XKR6: variants seen among roughly 807,000 people sequenced by gnomAD.
XKR6 encodes XK-related protein 6.
Under a neutral mutation model 56.7 loss-of-function variants are expected in XKR6, and 22 were observed. The observed-to-expected ratio is 0.39, with a 90% CI of 0.28 to 0.55. The LOEUF (loss-of-function observed/expected upper bound fraction) is 0.55. Among genes scored for constraint, XKR6 ranks in the 20% least tolerant of loss-of-function variants. The pLI is 0.66. For missense variants in XKR6, 852 were observed against 889.0 expected, an observed-to-expected ratio of 0.96 and a Z score of 0.53; for synonymous variants, 524 against 387.8, an observed-to-expected ratio of 1.35 and a Z score of -4.13.
intron 1 of XKR6, among the ~76,000 whole-genome samples, chr8:11,107,160 G>C (rs1425394702): frequency 1.3e-5 from 2 of 151,418 alleles, no homozygotes; most frequent in African/African-American, 4.8e-5. Flanking sequence ...TGATTACTTG[G>C]CAAAGAAAAG....
At chr8:11,012,091 C>G (rs1158748558) in intron 1 of XKR6, among the ~76,000 whole-genome samples, 1 of 152,218 alleles carries the variant, frequency 6.6e-6, no homozygotes, top group African/African-American at 2.4e-5. Context: ...CAGGGCCTCG[C>G]AGTCCCCATC....
At chr8:11,117,589 T>C (rs1225412067) in intron 1 of XKR6, among the ~76,000 whole-genome samples, 2 of 152,014 alleles carry the variant, frequency 1.3e-5, no homozygotes, top group African/African-American at 4.8e-5. Flanking sequence ...TGTGAAACCA[T>C]AAAAATGTGA....
chr8:11,030,771 G>A (rs749026803), intron 1 of XKR6, among the ~76,000 whole-genome samples: 1 of 152,130 alleles, frequency 6.6e-6, no homozygotes, highest in Non-Finnish European at 1.5e-5. Context: ...TAGGCGTGGA[G>A]GGTGGGAATG....
intron 1 of XKR6, among the ~76,000 whole-genome samples, chr8:11,038,729 C>T (rs991174770): frequency 6.6e-6 from 1 of 151,858 alleles, no homozygotes; most frequent in East Asian, 1.9e-4. Context: ...TTTGTAGAGC[C>T]GATGCCTCCC....
At chr8:11,134,580 A>C (rs1201079315) in intron 1 of XKR6, among the ~76,000 whole-genome samples, 1 of 152,144 alleles carries the variant, frequency 6.6e-6, no homozygotes, top group East Asian at 1.9e-4. Context: ...GAAACACAGA[A>C]GACTTACATT....
intron 1 of XKR6, among the ~76,000 whole-genome samples, chr8:11,187,598 T>C (rs1280050218): frequency 6.6e-6 from 1 of 151,986 alleles, no homozygotes; most frequent in African/African-American, 2.4e-5. Flanking sequence ...TCACAAATAA[T>C]GAGAAAGACT....
chr8:11,158,514 T>A (rs1344109444), intron 1 of XKR6, among the ~76,000 whole-genome samples: 1 of 152,222 alleles, frequency 6.6e-6, no homozygotes, highest in Non-Finnish European at 1.5e-5. Flanking sequence ...CTTGAGTTTC[T>A]TTAGCTTTCC....
intron 1 of XKR6, among the ~76,000 whole-genome samples, chr8:11,165,576 T>A (rs1296754299): frequency 6.6e-6 from 1 of 152,164 alleles, no homozygotes; most frequent in African/African-American, 2.4e-5. Flanking sequence ...GCAGAAACCA[T>A]AATTATAATT....
chr8:11,200,566 G>A lies in XKR6; in HGVS notation c.764+10C>T. The A allele has an allele frequency of 2.1e-6, 3 of 1,459,766 alleles. No individual in the cohort carries two copies. The highest frequency in any genetic ancestry group is 1.8e-6 in the Non-Finnish European group (2 of 1,116,820). 90.4% of individuals were successfully genotyped at this position (1,459,766 alleles called of 1,614,324 possible). A position where few individuals can be genotyped will look rare whatever the true frequency, so the allele number is the denominator to read the frequency against. On this transcript the variant is annotated intron_variant, in intron 1 of 2. Coordinates refer to ENST00000416569, the MANE Select transcript of XKR6 (RefSeq NM_173683.4). This position sits in a 1 kb window ranked among gnomAD's most constrained non-coding sequence, Gnocchi z 6.4. ...AGGGCCGGCCCGCCCCCACCCCGCAGTGCTCTTACCTCCACACCTGCCCCA... is the reference window on the plus strand; with the variant it reads ...AGGGCCGGCCCGCCCCCACCCCGCAATGCTCTTACCTCCACACCTGCCCCA...
chr8:10,977,785 TAATA>T (rs1802610967), intron 1 of XKR6, among the ~76,000 whole-genome samples: 1 of 151,172 alleles, frequency 6.6e-6, no homozygotes, highest in Non-Finnish European at 1.5e-5. Flanking sequence ...GTCACAGGAG[TAATA>T]GCACATACCT....
intron 1 of XKR6, among the ~76,000 whole-genome samples, chr8:11,142,270 G>C (rs978054531): frequency 2.6e-5 from 4 of 152,090 alleles, no homozygotes; most frequent in East Asian, 1.9e-4. Context: ...GCTGATTCTA[G>C]GCCTGGGCAA....
At chr8:10,959,314 G>A (rs1026035550) in intron 1 of XKR6, among the ~76,000 whole-genome samples, 4 of 152,168 alleles carry the variant, frequency 2.6e-5, no homozygotes, top group African/African-American at 4.8e-5. Context: ...GTGACCCACA[G>A]GTGGTCACAG....
chr8:10,994,805 T>C (rs1023532816), intron 1 of XKR6, among the ~76,000 whole-genome samples: 3 of 152,174 alleles, frequency 2.0e-5, no homozygotes, highest in African/African-American at 7.2e-5. Flanking sequence ...ACAGCCAGAA[T>C]GCAAATAAAA....
chr8:11,014,269 G>A (rs897829507), intron 1 of XKR6, among the ~76,000 whole-genome samples: 2 of 152,212 alleles, frequency 1.3e-5, no homozygotes, highest in African/African-American at 4.8e-5. Flanking sequence ...AGACTCCAAA[G>A]GAGTGTAGCG....
chr8:11,059,080 G>T (rs890864303), intron 1 of XKR6, among the ~76,000 whole-genome samples: 1 of 131,554 alleles, frequency 7.6e-6, no homozygotes, highest in Non-Finnish European at 1.5e-5. Context: ...ACCCACCTGT[G>T]CCTGAATCCA....
intron 2 of XKR6, among the ~76,000 whole-genome samples, chr8:10,912,109 T>C (rs1056745756): frequency 2.7e-5 from 4 of 149,842 alleles, no homozygotes; most frequent in African/African-American, 9.8e-5. Flanking sequence ...TGTGTGTGTA[T>C]ATATATAGAG....
chr8:10,915,825 A>G (rs867038900), intron 2 of XKR6, among the ~76,000 whole-genome samples: 1 of 152,214 alleles, frequency 6.6e-6, no homozygotes, highest in Non-Finnish European at 1.5e-5. Context: ...GACCAAGCCC[A>G]TGTTCTAGCG....
chr8:11,054,927 G>A (rs2100149488), intron 1 of XKR6, among the ~76,000 whole-genome samples: 1 of 152,186 alleles, frequency 6.6e-6, no homozygotes, highest in Admixed American at 6.5e-5. Flanking sequence ...AGGCCCTGTG[G>A]GCTAGTGGAA....
At chr8:11,037,222 A>G (rs1237023591) in intron 1 of XKR6, among the ~76,000 whole-genome samples, 1 of 152,134 alleles carries the variant, frequency 6.6e-6, no homozygotes, top group Non-Finnish European at 1.5e-5. Flanking sequence ...TTGATCAAGA[A>G]TTTTAATACT....
Sources: gnomAD v4.1 joint callset for allele counts (sites outside exome capture counted in the v4.1 genomes callset) on GRCh38, gnomAD v4.1.1 for gene constraint, Gnocchi (gnomAD v3.1) non-coding constraint, MANE v1.5 for transcripts, NCBI Gene and HGNC (gene_info 2026-07-23, HGNC 2026-07-21) for gene names.